The following ZNF723 variants were observed in gnomAD, a reference collection of about 807,000 sequenced individuals.
The protein encoded by ZNF723 is zinc finger protein 723.
ZNF723 carries 5 observed loss-of-function variants against 9.4 expected under a neutral mutation model. The observed-to-expected ratio is 0.53, with a 90% CI of 0.28 to 1.12. The LOEUF (loss-of-function observed/expected upper bound fraction) is 1.12, where lower values mean the gene tolerates loss of function less well. ZNF723 is among the 50% of genes most tolerant of loss of function. ZNF723 has a pLI of 0.10. For missense variants in ZNF723, 450 were observed against 501.5 expected (o/e 0.90, Z 0.98); for synonymous variants, 158 against 168.8 (o/e 0.94, Z 0.49).
In ZNF723 at chr19:22,858,387, A is replaced by G. The variant is rs1967515694; in HGVS notation, c.1496A>G (p.His499Arg). 2 of 811,478 alleles carry G rather than the reference A, an allele frequency of 2.5e-6. No individual in the cohort carries two copies. The highest frequency in any genetic ancestry group is 4.8e-5 in the Admixed American group (2 of 41,402). The allele number at this position is 811,478 out of a possible 1,614,324, so 50.3% of individuals were successfully genotyped here. ...AACAAGTCCTCAATTCTTAACAGAC[A>G]TAAGATAATTCATACTAAAGAGAAA... ...AFNKSSILNR[H>R]KIIHTKEKSQ... The change falls in exon 4 of 4, where the codon CAT becomes CGT. Residue 499 changes from histidine to arginine, a missense_variant. By Grantham distance (29) the His-to-Arg change is conservative. Coordinates refer to ENST00000600766, the MANE Select transcript of ZNF723 (RefSeq NM_001349726.2).
chr19:22,813,504 G>A, the ZNF723 span, among the ~76,000 whole-genome samples: 8 of 152,086 alleles, frequency 5.3e-5, no homozygotes, highest in Admixed American at 6.5e-5. Flanking sequence ...AGGGGACACT[G>A]ATATATTCCT....
intron 1 of ZNF723, among the ~76,000 whole-genome samples, chr19:22,845,977 C>G (rs1004458933): frequency 2.0e-5 from 3 of 146,584 alleles, no homozygotes; most frequent in Non-Finnish European, 3.0e-5. Context: ...TTAGTACTTG[C>G]AAACCTTTAC....
At chr19:22,812,241 G>A in the ZNF723 span, among the ~76,000 whole-genome samples, 8 of 152,282 alleles carry the variant, frequency 5.3e-5, no homozygotes, top group East Asian at 1.5e-3. Flanking sequence ...AAAGTGCTGG[G>A]ATTACAGGTG....
chr19:22,823,262 C>T, the ZNF723 span, among the ~76,000 whole-genome samples: 17 of 152,308 alleles, frequency 1.1e-4, no homozygotes, highest in African/African-American at 3.8e-4. Flanking sequence ...GAGATAGTGA[C>T]TCTGGTATGC....
chr19:22,855,837 T>C (rs1339144006), intron 3 of ZNF723, among the ~76,000 whole-genome samples: 1 of 152,232 alleles, frequency 6.6e-6, no homozygotes, highest in African/African-American at 2.4e-5. Flanking sequence ...ATTCTCTTTT[T>C]GTCTGTGACT....
chr19:22,851,362 G>A (rs1342913189), intron 3 of ZNF723, among the ~76,000 whole-genome samples: 3 of 151,948 alleles, frequency 2.0e-5, no homozygotes, highest in Non-Finnish European at 4.4e-5. Context: ...AGTAGAGACG[G>A]GGTTTCAGCA....
chr19:22,849,401 G>A, intron 3 of ZNF723, 108 bp downstream of exon 3: 2 of 461,944 alleles, frequency 4.3e-6, no homozygotes, highest in Non-Finnish European at 8.0e-6. Flanking sequence ...AAAGAAAATA[G>A]TTTCAGGAAA....
the ZNF723 span, among the ~76,000 whole-genome samples, chr19:22,814,240 A>G: frequency 6.6e-6 from 1 of 152,222 alleles, no homozygotes; most frequent in Non-Finnish European, 1.5e-5. Flanking sequence ...TTATACCAGC[A>G]TGAAAGTCTC....
the ZNF723 span, among the ~76,000 whole-genome samples, chr19:22,816,227 A>C: frequency 1.3e-5 from 2 of 152,348 alleles, no homozygotes; most frequent in Non-Finnish European, 2.9e-5. Context: ...ACTCATATAT[A>C]CACCAAGCTG....
chr19:22,839,634 T>C (rs2362131), intron 1 of ZNF723, among the ~76,000 whole-genome samples: 33,975 of 151,834 alleles, frequency 0.22, 4,762 homozygotes, highest in African/African-American at 0.4. Context: ...CCACCATGCC[T>C]GGCTAATATT....
At chr19:22,830,786 G>A (rs187558498), upstream of ZNF723, among the ~76,000 whole-genome samples, 7 of 152,122 alleles carry the variant, frequency 4.6e-5, no homozygotes, top group East Asian at 1.2e-3. Context: ...TTTTTGAGAT[G>A]GAGTCTCATT....
chr19:22,845,909 G>A (rs1428629396), intron 1 of ZNF723, among the ~76,000 whole-genome samples: 1 of 75,284 alleles, frequency 1.3e-5, no homozygotes, highest in East Asian at 3.7e-4. Context: ...TTTTTTTTTA[G>A]CTAAACACAT....
chr19:22,835,391 G>A (rs1251131436), intron 1 of ZNF723, among the ~76,000 whole-genome samples: 1 of 151,978 alleles, frequency 6.6e-6, no homozygotes, highest in Admixed American at 6.6e-5. Context: ...ATTGACTTCA[G>A]TTTCTTAACT....
Position 22,857,174 on chromosome 19 carries a change from T to C in ZNF723, c.283T>C (p.Phe95Leu). The C allele has an allele frequency of 1.0e-6, 1 of 993,768 alleles. No homozygotes were observed. Among genetic ancestry groups the C allele is most frequent in the African/African-American group, 1.6e-5 (1 of 62,194 alleles). The allele number at this position is 993,768 out of a possible 1,614,324, so 61.6% of individuals were successfully genotyped here. A position where few individuals can be genotyped will look rare whatever the true frequency, so the allele number is the denominator to read the frequency against. ...GCCAGAGCAGGGCATAAAAGATTCT[T>C]TCCAAAAAGTAATACTGAGAAGCTA... ...LWPEQGIKDS[F>L]QKVILRSYGK... The change falls in exon 4 of 4, where the codon TTC (phenylalanine) becomes CTC (leucine). Residue 95 changes from phenylalanine (F) to leucine (L), a missense_variant. Physicochemically the swap from Phe to Leu is conservative, Grantham distance 22. This residue lies in a region of ZNF723 where 143 missense variants were observed against 101.3 expected (regional missense o/e 1.41). Transcript: ENST00000600766.
chr19:22,848,001 C>T (rs1967337688), intron 1 of ZNF723, among the ~76,000 whole-genome samples: 1 of 151,116 alleles, frequency 6.6e-6, no homozygotes, highest in Admixed American at 6.6e-5. Flanking sequence ...ACTTGGGAGA[C>T]TGAGGCAAGA....
intron 1 of ZNF723, among the ~76,000 whole-genome samples, chr19:22,846,013 G>A (rs1599476466): frequency 6.7e-6 from 1 of 148,982 alleles, no homozygotes. Flanking sequence ...CCTCCCTAAT[G>A]AGTTTGTTTT....
chr19:22,837,845 A>C (rs1426843284), intron 1 of ZNF723, among the ~76,000 whole-genome samples: 1 of 152,042 alleles, frequency 6.6e-6, no homozygotes, highest in African/African-American at 2.4e-5. Flanking sequence ...ATTGTCTACA[A>C]ATTTTTGGCA....
At chr19:22,828,634 A>G (rs765740442), upstream of ZNF723, among the ~76,000 whole-genome samples, 10 of 152,094 alleles carry the variant, frequency 6.6e-5, no homozygotes, top group Non-Finnish European at 1.3e-4. Flanking sequence ...GCCTGGTGAC[A>G]GAGCGAGACT....
Position 22,857,386 on chromosome 19 carries a change from A to T in ZNF723, c.495A>T (p.Ile165=). 1.2e-6 allele frequency: 1 copy of T among 838,444 alleles called. No individual in the cohort carries two copies. The highest frequency in any genetic ancestry group is 1.4e-5 in the South Asian group (1 of 74,058). The allele number at this position is 838,444 out of a possible 1,614,324, so 51.9% of individuals were successfully genotyped here. A position where few individuals can be genotyped will look rare whatever the true frequency, so the allele number is the denominator to read the frequency against. ...HKFSSSNSQK[I]RHTGNNSFKC... is the part of the protein sequence containing the mutation. ...TTTCAAGTTCAAATAGCCAGAAGAT[A>T]AGACATACTGGAAATAATTCTTTCA... Residue 165 remains isoleucine (I), a synonymous_variant, in exon 4 of 4, where the codon ATA becomes ATT. Coordinates refer to ENST00000600766, the MANE Select transcript of ZNF723 (RefSeq NM_001349726.2).
Sources: gnomAD v4.1 joint callset for allele counts (sites outside exome capture counted in the v4.1 genomes callset) on GRCh38, gnomAD v4.1.1 for gene constraint, gnomAD v4.1.1 regional missense constraint, MANE v1.5 for transcripts, NCBI Gene and HGNC (gene_info 2026-07-23, HGNC 2026-07-21) for gene names.